The following RANBP2 variants were observed in gnomAD, a reference collection of about 807,000 sequenced individuals.
RANBP2 encodes the protein RAN binding protein 2.
RANBP2 carries 57 observed loss-of-function variants against 303.6 expected under a neutral mutation model. The ratio of observed to expected loss-of-function variants is 0.19; its 90% CI spans 0.15 to 0.23. The LOEUF (loss-of-function observed/expected upper bound fraction) is 0.23, where lower values mean the gene tolerates loss of function less well. RANBP2 is among the 10% of genes least tolerant of loss of function. RANBP2 has a pLI of 1.00. For synonymous variants in RANBP2, 1,167 were observed against 1,301.5 expected (o/e 0.90, Z 2.23); for missense variants, 3,138 against 3,780.8 (o/e 0.83, Z 4.46).
At chr2:109,678,860 G>C in the RANBP2 span, among the ~76,000 whole-genome samples, 2 of 152,318 alleles carry the variant, frequency 1.3e-5, no homozygotes, top group East Asian at 3.9e-4. Context: ...GCCCTTGGAA[G>C]CTCAGCCTGC....
the RANBP2 span, among the ~76,000 whole-genome samples, chr2:109,307,124 TA>T: frequency 6.6e-6 from 1 of 152,174 alleles, no homozygotes; most frequent in African/African-American, 2.4e-5. Context: ...GGCTTGAAAT[TA>T]AAAAAATAAA....
the RANBP2 span, among the ~76,000 whole-genome samples, chr2:109,172,334 C>T: frequency 3.9e-5 from 6 of 152,370 alleles, no homozygotes; most frequent in East Asian, 9.6e-4. Flanking sequence ...TGGAAATGCG[C>T]GAGCCAGCGG....
At chr2:109,439,647 C>T in the RANBP2 span, among the ~76,000 whole-genome samples, 1 of 152,128 alleles carries the variant, frequency 6.6e-6, no homozygotes, top group Middle Eastern at 3.4e-3. Context: ...GGCAGAGCAC[C>T]CCCTGTAAAG....
At chr2:109,443,790 C>T in the RANBP2 span, among the ~76,000 whole-genome samples, 1 of 152,166 alleles carries the variant, frequency 6.6e-6, no homozygotes, top group Non-Finnish European at 1.5e-5. Flanking sequence ...AACAAATCTA[C>T]AATTATGGTC....
chr2:108,907,719 C>T, the RANBP2 span: 2 of 938,912 alleles, frequency 2.1e-6, no homozygotes. Context: ...GTGAACTTGT[C>T]ACTGTCCAGG....
chr2:108,828,803 C>G, the RANBP2 span, among the ~76,000 whole-genome samples: 80 of 152,010 alleles, frequency 5.3e-4, no homozygotes, highest in Non-Finnish European at 1.1e-3. Flanking sequence ...ATAGTGAAAC[C>G]CTATCTGTAC....
At chr2:109,125,143 T>C in the RANBP2 span, among the ~76,000 whole-genome samples, 1 of 152,052 alleles carries the variant, frequency 6.6e-6, no homozygotes, top group Non-Finnish European at 1.5e-5. Context: ...TCTGAGATGC[T>C]ACAGGCTGCA....
chr2:108,809,209 G>A, the RANBP2 span, among the ~76,000 whole-genome samples: 2 of 152,090 alleles, frequency 1.3e-5, no homozygotes, highest in Non-Finnish European at 2.9e-5. Context: ...TGCTGTTCTG[G>A]TTACTACAGT....
chr2:109,204,244 C>T, the RANBP2 span, among the ~76,000 whole-genome samples: 1 of 152,228 alleles, frequency 6.6e-6, no homozygotes, highest in Admixed American at 6.5e-5. Context: ...AACCATGAAA[C>T]TTACTTTGCT....
the RANBP2 span, among the ~76,000 whole-genome samples, chr2:109,156,489 A>G: frequency 6.6e-6 from 1 of 151,526 alleles, no homozygotes; most frequent in African/African-American, 2.4e-5. Flanking sequence ...CTTGTTGTCC[A>G]GGCTGGAGTG....
chr2:108,820,549 A>G, the RANBP2 span, among the ~76,000 whole-genome samples: 1 of 152,192 alleles, frequency 6.6e-6, no homozygotes, highest in Non-Finnish European at 1.5e-5. Context: ...ATTATAATCA[A>G]ATTGTCAAAA....
the RANBP2 span, among the ~76,000 whole-genome samples, chr2:108,937,558 A>ATG: frequency 6.6e-6 from 1 of 151,492 alleles, no homozygotes; most frequent in East Asian, 1.9e-4. Flanking sequence ...TGTGAATGTT[A>ATG]TGTGTGTGTG....
the RANBP2 span, among the ~76,000 whole-genome samples, chr2:109,282,510 C>T: frequency 9.9e-5 from 15 of 152,220 alleles, no homozygotes; most frequent in South Asian, 4.2e-4. Context: ...GCCTGCCCTG[C>T]GGTGGGAGGA....
the RANBP2 span, among the ~76,000 whole-genome samples, chr2:109,576,329 C>A: frequency 6.6e-6 from 1 of 151,922 alleles, no homozygotes; most frequent in Non-Finnish European, 1.5e-5. Flanking sequence ...GAACTCCTGG[C>A]CTTAAGCAAT....
chr2:108,850,418 A>T, the RANBP2 span, among the ~76,000 whole-genome samples: 1 of 152,182 alleles, frequency 6.6e-6, no homozygotes, highest in Non-Finnish European at 1.5e-5. Context: ...TATAAGAATC[A>T]GCATATATAA....
chr2:109,062,022 C>T, the RANBP2 span, among the ~76,000 whole-genome samples: 1 of 152,146 alleles, frequency 6.6e-6, no homozygotes, highest in African/African-American at 2.4e-5. Flanking sequence ...ACCCTCCAGC[C>T]CCGAAAGTCT....
the RANBP2 span, among the ~76,000 whole-genome samples, chr2:109,287,659 G>A: frequency 6.6e-6 from 1 of 152,286 alleles, no homozygotes; most frequent in South Asian, 2.1e-4. Flanking sequence ...AGATCAGGGT[G>A]TTCCCCTTCT....
At chr2:109,171,797 G>T in the RANBP2 span, among the ~76,000 whole-genome samples, 1 of 152,266 alleles carries the variant, frequency 6.6e-6, no homozygotes, top group Non-Finnish European at 1.5e-5. Flanking sequence ...CTCACTTGCA[G>T]CGGGGAGTGG....
the RANBP2 span, among the ~76,000 whole-genome samples, chr2:109,429,567 C>T: frequency 6.6e-6 from 1 of 152,064 alleles, no homozygotes; most frequent in South Asian, 2.1e-4. Flanking sequence ...GCCAACATAC[C>T]CCATTCAGGA....
Sources: gnomAD v4.1 joint callset for allele counts (sites outside exome capture counted in the v4.1 genomes callset) on GRCh38, gnomAD v4.1.1 for gene constraint, MANE v1.5 for transcripts, NCBI Gene and HGNC (gene_info 2026-07-23, HGNC 2026-07-21) for gene names.